ELAVL3: variants seen among roughly 807,000 people sequenced by gnomAD.
ELAVL3 encodes ELAV like RNA binding protein 3, also known as ELAV-like protein 3.
Under a neutral mutation model 34.2 loss-of-function variants are expected in ELAVL3, and 8 were observed. The ratio of observed to expected loss-of-function variants is 0.23; its 90% CI spans 0.14 to 0.42. ELAVL3 has a LOEUF of 0.42. ELAVL3 is among the 10% of genes least tolerant of loss of function. ELAVL3 has a pLI of 1.00. For missense variants in ELAVL3, 273 were observed against 518.8 expected, an observed-to-expected ratio of 0.53 and a Z score of 4.60; for synonymous variants, 209 against 222.1, an observed-to-expected ratio of 0.94 and a Z score of 0.53.
At chr19:11,473,515 T>C (rs1373495319) in intron 1 of ELAVL3, among the ~76,000 whole-genome samples, 1 of 152,240 alleles carries the variant, frequency 6.6e-6, no homozygotes, top group Non-Finnish European at 1.5e-5. Flanking sequence ...CATCCCTGAC[T>C]CAAGCTCCAA....
intron 6 of ELAVL3, among the ~76,000 whole-genome samples, chr19:11,455,556 G>A (rs977946370): frequency 6.6e-6 from 1 of 151,724 alleles, no homozygotes; most frequent in Non-Finnish European, 1.5e-5. Context: ...CAAAGTGCTG[G>A]GATTACAGGC....
chr19:11,475,567 G>A (rs971604427), intron 1 of ELAVL3, among the ~76,000 whole-genome samples: 10 of 151,466 alleles, frequency 6.6e-5, no homozygotes, highest in South Asian at 2.1e-4. Context: ...GCCTTCCAAA[G>A]TGTTGGGAGT....
chr19:11,454,874 G>A lies in ELAVL3; in HGVS notation c.756C>T (p.Pro252=). 6.3e-7 allele frequency: 1 copy of A among 1,596,088 alleles called. No individual in the cohort carries two copies. The highest frequency in any genetic ancestry group is 8.5e-7 in the Non-Finnish European group (1 of 1,175,352). ...LLNMAYGVKS[P]LSLIARFSPI... is the part of the protein sequence containing the mutation. ...GCGAGAACCTGGCGATGAGCGACAG[G>A]GGACTACTTTGGGGGTCACGCGGGC... The change falls in exon 7 of 7, where the codon CCC becomes CCT. Residue 252 remains proline (P), a synonymous_variant. Coordinates refer to ENST00000359227, the MANE Select transcript of ELAVL3 (RefSeq NM_001420.4). This position sits in a 1 kb window ranked among gnomAD's most constrained non-coding sequence, Gnocchi z 9.2.
intron 3 of ELAVL3, among the ~76,000 whole-genome samples, chr19:11,464,167 A>T (rs75902448): frequency 0.087 from 9,020 of 103,148 alleles, 448 homozygotes; most frequent in Middle Eastern, 0.11. Context: ...ATATATATAT[A>T]TTTTTTTTTT....
At chr19:11,463,994 A>G (rs890707965) in intron 3 of ELAVL3, among the ~76,000 whole-genome samples, 1 of 147,158 alleles carries the variant, frequency 6.8e-6, no homozygotes. Flanking sequence ...AAATCAAAAA[A>G]CCAAAAAAAA....
rs189485367 is a variant in ELAVL3, at chr19:11,475,840, C to T, written c.9+4760G>A. Among the ~76,000 whole-genome samples the T allele has an allele frequency of 3.9e-3, 594 of 152,210 alleles. 3 individuals are homozygous for T. Among genetic ancestry groups the T allele is most frequent in the Admixed American group, 6.1e-3 (93 of 15,268 alleles). On this transcript the variant is annotated intron_variant, in intron 1 of 6. Coordinates refer to ENST00000359227, the MANE Select transcript of ELAVL3 (RefSeq NM_001420.4). ...ATGTTAGCCAGGCTGATCTCCAACT[C>T]CTGACCTCAGATGACCTGCCTGCCT...
Position 11,455,490 on chromosome 19 carries a change from T to C in ELAVL3, c.753-613A>G, listed in dbSNP as rs372479881. 1.4e-4 allele frequency among the ~76,000 whole-genome samples: 21 copies of C among 152,226 alleles called. No individual in the cohort carries two copies. The East Asian group carries it at 3.9e-3, about 28-fold the overall frequency. On this transcript the variant is annotated intron_variant, in intron 6 of 6. Transcript: ENST00000359227. ...TTAATAGAGATGGGGTTTCTCCATG[T>C]TGATCAGGCTGGTCTCGAACTCCCG...
intron 1 of ELAVL3, among the ~76,000 whole-genome samples, chr19:11,479,773 C>G (rs1056779552): frequency 2.0e-5 from 3 of 151,668 alleles, no homozygotes; most frequent in Non-Finnish European, 4.4e-5. Context: ...GCGGGGCTAG[C>G]GGTGCGGGCG....
At chr19:11,473,910 T>C (rs645170) in intron 1 of ELAVL3, among the ~76,000 whole-genome samples, 1 of 152,076 alleles carries the variant, frequency 6.6e-6, no homozygotes, top group South Asian at 2.1e-4. Context: ...CCTGGGGTAG[T>C]AGCTAAAGCC....
intron 3 of ELAVL3, among the ~76,000 whole-genome samples, chr19:11,463,436 C>T (rs1970933341): frequency 1.3e-5 from 2 of 152,212 alleles, no homozygotes; most frequent in Admixed American, 6.5e-5. Flanking sequence ...CTGTCACATT[C>T]TCAGCAACGT....
Position 11,452,217 on chromosome 19 carries a change from A to G in ELAVL3, c.*2309T>C, listed in dbSNP as rs1970661991. 6.6e-6 allele frequency: 1 copy of G among 152,338 alleles called. No individual in the cohort carries two copies. The highest frequency in any genetic ancestry group is 1.9e-4 in the East Asian group (1 of 5,184). The allele number at this position is 152,338 out of a possible 1,614,324, so 9.4% of individuals were successfully genotyped here. On this transcript the variant is annotated 3_prime_UTR_variant, in exon 7 of 7. Transcript: ENST00000359227. ...CTCGGCTACCATTACTGTTATTAAT[A>G]ATTATTATTACTTTAATGATTCCAC...
At chr19:11,464,697 TACACCACACACACCACACAC>T (rs1970978909) in intron 3 of ELAVL3, among the ~76,000 whole-genome samples, 2 of 74,172 alleles carry the variant, frequency 2.7e-5, no homozygotes, top group African/African-American at 1.2e-4. Flanking sequence ...CCCACACACA[TACACCACACACACCACACAC>T]ACACACATCA....
In ELAVL3 at chr19:11,452,257, A is replaced by G. The variant is rs186495240; in HGVS notation, c.*2269T>C. 87 of 152,366 alleles carry G rather than the reference A, an allele frequency of 5.7e-4. No homozygotes were observed. The highest frequency in any genetic ancestry group is 5.6e-3 in the Admixed American group (86 of 15,308). 9.4% of individuals were successfully genotyped at this position (152,366 alleles called of 1,614,324 possible). ...AATGATTCCACTTCCCCTTTTATAA[A>G]TAAATTAGGCATAACCATGTCTCGG... On this transcript the variant is annotated 3_prime_UTR_variant, in exon 7 of 7. Coordinates refer to ENST00000359227, the MANE Select transcript of ELAVL3 (RefSeq NM_001420.4).
At chr19:11,464,151 C>CTCTCTATATA (rs1215435723) in intron 3 of ELAVL3, among the ~76,000 whole-genome samples, 10 of 86,492 alleles carry the variant, frequency 1.2e-4, no homozygotes, top group South Asian at 4.0e-4. Flanking sequence ...CTCTCTCTCT[C>CTCTCTATATA]TATATATATA....
chr19:11,462,804 A>G (rs1241884563), intron 3 of ELAVL3, among the ~76,000 whole-genome samples: 1 of 151,294 alleles, frequency 6.6e-6, no homozygotes, highest in Admixed American at 6.6e-5. Context: ...ACTAAAAAAA[A>G]TACAAAGATT....
rs755101344 is a variant in ELAVL3 at position 11,466,301 on chromosome 19, C to T, written c.230-26G>A. 18 of 1,605,962 alleles carry T rather than the reference C, an allele frequency of 1.1e-5. No homozygotes were observed. The highest frequency in any genetic ancestry group is 1.3e-5 in the Non-Finnish European group (15 of 1,173,082). On this transcript the variant is annotated intron_variant, in intron 2 of 6. Transcript: ENST00000359227. The surrounding 1 kb of genome is among the most constrained non-coding windows in gnomAD (Gnocchi z 5.0). ...CTGTGGGCAGAACCAGAATGATGACCTTCCCACCCAGCCTTGACACCTGCC... is the reference window on the plus strand; with the variant it reads ...CTGTGGGCAGAACCAGAATGATGACTTTCCCACCCAGCCTTGACACCTGCC...
rs768964651 is a variant in ELAVL3 at position 11,480,658 on chromosome 19, G to T, written c.-50C>A. ...CCGTGTTGAGGGGGGCTCCGGGGGT[G>T]GTGCACTCCTAGGGGGGCGCCCGAT... is the stretch of plus-strand genomic sequence containing the variant. On this transcript the variant is annotated 5_prime_UTR_variant, in exon 1 of 7. Transcript: ENST00000359227. The surrounding 1 kb of genome is among the most constrained non-coding windows in gnomAD (Gnocchi z 6.8). The T allele has an allele frequency of 2.1e-6, 3 of 1,404,704 alleles. No homozygotes were observed. Among genetic ancestry groups the T allele is most frequent in the Non-Finnish European group, 2.8e-6 (3 of 1,071,542 alleles). 87.0% of individuals were successfully genotyped at this position (1,404,704 alleles called of 1,614,324 possible). A position where few individuals can be genotyped will look rare whatever the true frequency, so the allele number is the denominator to read the frequency against.
chr19:11,471,630 T>G (rs1971166980), intron 1 of ELAVL3, among the ~76,000 whole-genome samples: 2 of 151,742 alleles, frequency 1.3e-5, no homozygotes, highest in African/African-American at 4.8e-5. Context: ...AAAAATTTTT[T>G]TTTTGTAGAG....
In ELAVL3 at chr19:11,459,981, A is replaced by C. The variant is rs552535876; in HGVS notation, c.334-1370T>G. On this transcript the variant is annotated intron_variant, in intron 3 of 6. Coordinates refer to ENST00000359227, the MANE Select transcript of ELAVL3 (RefSeq NM_001420.4). ...CCCAGGGACACTCAGGTCTTTAGTCATCAGCTCCCAAATGTCCCCAGTCTG... is the reference window on the plus strand; with the variant it reads ...CCCAGGGACACTCAGGTCTTTAGTCCTCAGCTCCCAAATGTCCCCAGTCTG... Among the ~76,000 whole-genome samples, 5 of 152,164 alleles carry C rather than the reference A, an allele frequency of 3.3e-5. No homozygotes were observed. In the South Asian group the frequency reaches 1.0e-3, roughly 32 times the overall value.
Sources: gnomAD v4.1 joint callset for allele counts (sites outside exome capture counted in the v4.1 genomes callset) on GRCh38, gnomAD v4.1.1 for gene constraint, Gnocchi (gnomAD v3.1) non-coding constraint, MANE v1.5 for transcripts, NCBI Gene and HGNC (gene_info 2026-07-23, HGNC 2026-07-21) for gene names.